Variants in ADARB1 observed in about 807,000 individuals in gnomAD.
ADARB1 encodes the protein adenosine deaminase RNA specific B1, also known as double-stranded RNA-specific editase 1.
A neutral mutation model predicts 52.4 loss-of-function variants in ADARB1; 10 were observed. The ratio of observed to expected loss-of-function variants is 0.19; its 90% CI spans 0.12 to 0.32. The LOEUF is 0.32. Ranked by LOEUF, ADARB1 falls within the 10% of genes least tolerant of loss-of-function variation. The pLI is 1.00. For synonymous variants in ADARB1, 349 were observed against 371.1 expected, an observed-to-expected ratio of 0.94 and a Z score of 0.68; for missense variants, 643 against 922.3, an observed-to-expected ratio of 0.70 and a Z score of 3.92.
intron 8 of ADARB1, among the ~76,000 whole-genome samples, chr21:45,193,090 G>A (rs529661712): frequency 4.2e-4 from 64 of 152,288 alleles, no homozygotes; most frequent in African/African-American, 1.5e-3. Context: ...CTCATTCTGT[G>A]AGGCCAGCAT....
chr21:45,182,872 C>T, intron 6 of ADARB1, 119 bp downstream of exon 6: 1 of 1,002,566 alleles, frequency 1.0e-6, no homozygotes, highest in Non-Finnish European at 1.4e-6. Flanking sequence ...AAAATCATAA[C>T]TTTAATTAGT....
intron 1 of ADARB1, among the ~76,000 whole-genome samples, chr21:45,091,228 A>G (rs2086550866): frequency 6.6e-6 from 1 of 152,120 alleles, no homozygotes; most frequent in Admixed American, 6.5e-5. Context: ...TCAGACATCC[A>G]CTTGTCTTTG....
At chr21:45,120,924 T>C (rs2088139754) in intron 1 of ADARB1, 1 of 152,244 alleles carries the variant, frequency 6.6e-6, no homozygotes, top group Non-Finnish European at 1.5e-5. Flanking sequence ...AGTGCGTTGA[T>C]CGATTCTCAC....
chr21:45,109,182 C>A (rs409738), intron 1 of ADARB1, among the ~76,000 whole-genome samples: 1 of 130,898 alleles, frequency 7.6e-6, no homozygotes, highest in Non-Finnish European at 1.6e-5. Context: ...CGCGCGTGTG[C>A]GTATATGTGT....
chr21:45,168,074 G>C (rs1000764209), intron 2 of ADARB1, among the ~76,000 whole-genome samples: 4 of 152,030 alleles, frequency 2.6e-5, no homozygotes, highest in South Asian at 2.1e-4. Context: ...TCTCACGGTA[G>C]TTCTCAGCTG....
intron 1 of ADARB1, among the ~76,000 whole-genome samples, chr21:45,088,789 A>G (rs1020722784): frequency 2.6e-5 from 4 of 152,228 alleles, no homozygotes; most frequent in African/African-American, 9.6e-5. Flanking sequence ...GGCGATCAAG[A>G]TCAGCATCAT....
At chr21:45,097,395 G>A (rs1012181785) in intron 1 of ADARB1, among the ~76,000 whole-genome samples, 1 of 152,052 alleles carries the variant, frequency 6.6e-6, no homozygotes, top group Non-Finnish European at 1.5e-5. Flanking sequence ...CCTGTGTGAT[G>A]TGGTACAAAG....
chr21:45,185,738 C>G (rs2092082288), intron 8 of ADARB1, among the ~76,000 whole-genome samples: 1 of 152,062 alleles, frequency 6.6e-6, no homozygotes, highest in Non-Finnish European at 1.5e-5. Flanking sequence ...CATTTTTAAA[C>G]TAATGTTTAT....
chr21:45,134,986 G>C (rs2089282394), intron 2 of ADARB1, among the ~76,000 whole-genome samples: 1 of 152,274 alleles, frequency 6.6e-6, no homozygotes, highest in East Asian at 1.9e-4. Context: ...GCTGTAGCCT[G>C]TGAGCAGATT....
intron 9 of ADARB1, among the ~76,000 whole-genome samples, chr21:45,217,677 G>A (rs572056496): frequency 6.9e-4 from 105 of 152,134 alleles, no homozygotes; most frequent in Non-Finnish European, 1.2e-3. Flanking sequence ...TATAGATCTG[G>A]ATTTCCATTT....
intron 9 of ADARB1, among the ~76,000 whole-genome samples, chr21:45,217,805 T>G (rs929600828): frequency 6.6e-6 from 1 of 152,218 alleles, no homozygotes; most frequent in Non-Finnish European, 1.5e-5. Flanking sequence ...GCTTTCATTT[T>G]GAAGTATATT....
chr21:45,126,257 T>C (rs1025329988), intron 1 of ADARB1, among the ~76,000 whole-genome samples: 2 of 152,198 alleles, frequency 1.3e-5, no homozygotes, highest in Admixed American at 6.5e-5. Context: ...TAGAAGTGGC[T>C]CATGTGTCCT....
intron 9 of ADARB1, among the ~76,000 whole-genome samples, chr21:45,205,079 C>G (rs2092640360): frequency 6.6e-6 from 1 of 152,002 alleles, no homozygotes; most frequent in Non-Finnish European, 1.5e-5. Context: ...AGAAAAATGG[C>G]AAAACCCCAT....
At chr21:45,166,154 G>T (rs1309907653) in intron 2 of ADARB1, among the ~76,000 whole-genome samples, 1 of 152,046 alleles carries the variant, frequency 6.6e-6, no homozygotes, top group African/African-American at 2.4e-5. Flanking sequence ...GGGAGAAAAA[G>T]GGTAGGTATG....
In ADARB1 at chr21:45,225,586, A is replaced by G; in HGVS notation, c.*3389A>G. 7.5e-7 allele frequency: 1 copy of G among 1,330,028 alleles called. No individual in the cohort carries two copies. The highest frequency in any genetic ancestry group is 9.7e-7 in the Non-Finnish European group (1 of 1,028,268). 82.4% of individuals were successfully genotyped at this position (1,330,028 alleles called of 1,614,324 possible). A position where few individuals can be genotyped will look rare whatever the true frequency, so the allele number is the denominator to read the frequency against. Reference sequence around the variant, plus strand: ...GGACGGCTCCGTCTTCACATTGTGCACAGATCTGAGGATGGGATTAGCGAA... The same window carrying G: ...GGACGGCTCCGTCTTCACATTGTGCGCAGATCTGAGGATGGGATTAGCGAA... On this transcript the variant is annotated 3_prime_UTR_variant, in exon 11 of 11. Coordinates refer to ENST00000348831, the MANE Select transcript of ADARB1 (RefSeq NM_001112.4).
Position 45,176,767 on chromosome 21 carries a change from C to G in ADARB1, c.963+103C>G. The G allele has an allele frequency of 1.6e-6, 2 of 1,250,052 alleles. No homozygotes were observed. The highest frequency in any genetic ancestry group is 1.5e-5 in the African/African-American group (1 of 66,332). 77.4% of individuals were successfully genotyped at this position (1,250,052 alleles called of 1,614,324 possible). ...GATTACTGTTGACTTTCCACCTTGA[C>G]ATCACTCTGTCCCCACCAGGAGGAG... On this transcript the variant is annotated intron_variant, in intron 4 of 10. Coordinates refer to ENST00000348831, the MANE Select transcript of ADARB1 (RefSeq NM_001112.4). This position sits in a 1 kb window ranked among gnomAD's most constrained non-coding sequence, Gnocchi z 5.8.
chr21:45,114,819 T>G (rs555205974), intron 1 of ADARB1, among the ~76,000 whole-genome samples: 3 of 152,222 alleles, frequency 2.0e-5, no homozygotes, highest in African/African-American at 7.2e-5. Context: ...AACCTTCTCC[T>G]GCCAGAGGGA....
intron 1 of ADARB1, among the ~76,000 whole-genome samples, chr21:45,124,818 A>T (rs1304758736): frequency 2.8e-5 from 3 of 108,506 alleles, no homozygotes; most frequent in Non-Finnish European, 5.8e-5. Flanking sequence ...TGTGTGTGTG[A>T]CAGGGTCTCA....
In ADARB1 at chr21:45,224,052, G is replaced by A; in HGVS notation, c.*1855G>A. Reference sequence around the variant, plus strand: ...GTTCTGCACCTGCAGAAGGAGAGGGGTCTGTTGTCGCTGGCTTTCCCCCAA... The same window carrying A: ...GTTCTGCACCTGCAGAAGGAGAGGGATCTGTTGTCGCTGGCTTTCCCCCAA... On this transcript the variant is annotated 3_prime_UTR_variant, in exon 11 of 11. Transcript: ENST00000348831. The A allele has an allele frequency of 1.0e-6, 1 of 985,442 alleles. No homozygotes were observed. 61.0% of individuals were successfully genotyped at this position (985,442 alleles called of 1,614,324 possible).
Sources: allele counts gnomAD v4.1 joint callset (sites outside exome capture counted in the v4.1 genomes callset), GRCh38; gene constraint gnomAD v4.1.1; non-coding constraint Gnocchi (gnomAD v3.1); transcripts MANE v1.5; gene names NCBI Gene and HGNC (gene_info 2026-07-23, HGNC 2026-07-21).